The following VAPB variants were observed in gnomAD, a reference collection of about 807,000 sequenced individuals.
VAPB encodes the protein vesicle-associated membrane protein-associated protein B/C.
A neutral mutation model predicts 25.6 loss-of-function variants in VAPB; 7 were observed. The ratio of observed to expected loss-of-function variants is 0.27; its 90% CI spans 0.16 to 0.51. The LOEUF is 0.51. Ranked by LOEUF, VAPB falls within the 20% of genes least tolerant of loss-of-function variation. VAPB has a pLI of 0.97. For missense variants in VAPB, 266 were observed against 301.3 expected (o/e 0.88, Z 0.87); for synonymous variants, 112 against 109.2 (o/e 1.03, Z -0.16).
At chr20:58,401,647 C>T (rs1396634005) in intron 1 of VAPB, among the ~76,000 whole-genome samples, 5 of 152,038 alleles carry the variant, frequency 3.3e-5, no homozygotes, top group African/African-American at 7.3e-5. Flanking sequence ...ACCTTCTCCC[C>T]CTCTTCTCCT....
At chr20:58,412,202 T>C (rs1988396093) in intron 1 of VAPB, among the ~76,000 whole-genome samples, 1 of 152,194 alleles carries the variant, frequency 6.6e-6, no homozygotes, top group Non-Finnish European at 1.5e-5. Context: ...ATCTAGATTT[T>C]ATTCTGTCAT....
chr20:58,393,204 A>T (rs981102547), intron 1 of VAPB, among the ~76,000 whole-genome samples: 1 of 151,866 alleles, frequency 6.6e-6, no homozygotes, highest in East Asian at 1.9e-4. Flanking sequence ...TAATTTTTAA[A>T]TTTTTTTGTA....
chr20:58,403,695 A>G (rs1988154334), intron 1 of VAPB, among the ~76,000 whole-genome samples: 1 of 152,194 alleles, frequency 6.6e-6, no homozygotes, highest in Non-Finnish European at 1.5e-5. Context: ...TAATGCCTTC[A>G]TCTTCCACTT....
At chr20:58,413,138 TC>T (rs1425248263) in intron 1 of VAPB, among the ~76,000 whole-genome samples, 4 of 59,298 alleles carry the variant, frequency 6.7e-5, no homozygotes, top group Admixed American at 1.4e-4. Flanking sequence ...GTATTTGCCT[TC>T]TTTTTTTTTT....
intron 2 of VAPB, 116 bp from the exon 3 acceptor site, chr20:58,434,486 C>T: frequency 2.8e-6 from 2 of 703,722 alleles, no homozygotes; most frequent in East Asian, 5.4e-5. Context: ...GGCGTCCATC[C>T]TAAGACATAA....
chr20:58,398,235 C>G (rs1434642978), intron 1 of VAPB, among the ~76,000 whole-genome samples: 3 of 152,196 alleles, frequency 2.0e-5, no homozygotes, highest in East Asian at 1.9e-4. Flanking sequence ...GGGAAGAGAT[C>G]AAAATTCAAA....
chr20:58,399,019 G>A (rs1418694779), intron 1 of VAPB, among the ~76,000 whole-genome samples: 1 of 152,140 alleles, frequency 6.6e-6, no homozygotes, highest in Non-Finnish European at 1.5e-5. Context: ...TAAAGGAAAA[G>A]GCTGGGCACA....
chr20:58,418,112 T>C, intron 1 of VAPB, 99 bp from the exon 2 acceptor site: 1 of 1,513,564 alleles, frequency 6.6e-7, no homozygotes, highest in Non-Finnish European at 9.1e-7. Flanking sequence ...TAATCGTGGA[T>C]CTCAAATCTT....
intron 2 of VAPB, among the ~76,000 whole-genome samples, chr20:58,420,001 T>C (rs977157712): frequency 3.3e-5 from 5 of 152,156 alleles, no homozygotes; most frequent in African/African-American, 1.2e-4. Context: ...CTCTCTTTTT[T>C]TTTTGAGACA....
intron 3 of VAPB, 62 bp from the exon 4 acceptor site, chr20:58,438,883 G>A: frequency 7.0e-7 from 1 of 1,435,202 alleles, no homozygotes; most frequent in Non-Finnish European, 9.8e-7. Flanking sequence ...TCAGTTATAG[G>A]AAGAAAGTTA....
intron 1 of VAPB, among the ~76,000 whole-genome samples, chr20:58,396,396 G>T (rs1170904787): frequency 6.6e-6 from 1 of 152,232 alleles, no homozygotes; most frequent in African/African-American, 2.4e-5. Context: ...CTGGGAAGTG[G>T]AGACTAGGGC....
chr20:58,415,732 T>A (rs964189500), intron 1 of VAPB, among the ~76,000 whole-genome samples: 3 of 152,360 alleles, frequency 2.0e-5, no homozygotes, highest in Admixed American at 2.0e-4. Context: ...TTTTACATAA[T>A]GCTTTAATGG....
At chr20:58,425,416 G>A (rs533463127) in intron 2 of VAPB, among the ~76,000 whole-genome samples, 4 of 152,326 alleles carry the variant, frequency 2.6e-5, no homozygotes, top group East Asian at 1.9e-4. Flanking sequence ...ATTCAGGAAC[G>A]CTTTGAATGT....
At chr20:58,438,273 T>C (rs1403270212) in intron 3 of VAPB, among the ~76,000 whole-genome samples, 2 of 152,102 alleles carry the variant, frequency 1.3e-5, no homozygotes, top group African/African-American at 4.8e-5. Context: ...CATTTTCTCA[T>C]TTTAATTTAA....
chr20:58,433,357 A>G (rs1461847416), intron 2 of VAPB, among the ~76,000 whole-genome samples: 3 of 152,136 alleles, frequency 2.0e-5, no homozygotes, highest in Non-Finnish European at 4.4e-5. Context: ...CCTGCTTTCT[A>G]TCTGCTGCTG....
chr20:58,409,427 CAT>C (rs942529261), intron 1 of VAPB, among the ~76,000 whole-genome samples: 1 of 152,132 alleles, frequency 6.6e-6, no homozygotes, highest in Non-Finnish European at 1.5e-5. Flanking sequence ...ATTTTTCCCA[CAT>C]AGAGAGTCTA....
Position 58,449,290 on chromosome 20 carries a change from G to A in VAPB, c.*5055G>A, listed in dbSNP as rs767981987. The A allele has an allele frequency of 1.8e-4, 80 of 451,624 alleles. No homozygotes were observed. Among genetic ancestry groups the A allele is most frequent in the South Asian group, 4.9e-4 (31 of 63,722 alleles). The allele number at this position is 451,624 out of a possible 1,614,324, so 28.0% of individuals were successfully genotyped here. ...ATGCCATGTTTTTGGCTGTATCTAC[G>A]GCACTTAACAATAGGGGCTTTTTAT... On this transcript the variant is annotated 3_prime_UTR_variant, in exon 6 of 6. Coordinates refer to ENST00000475243, the MANE Select transcript of VAPB (RefSeq NM_004738.5).
chr20:58,397,816 C>G (rs192504453), intron 1 of VAPB, among the ~76,000 whole-genome samples: 2 of 152,302 alleles, frequency 1.3e-5, no homozygotes, highest in Admixed American at 6.5e-5. Flanking sequence ...AGTTAATAAA[C>G]TAGAGACTTG....
intron 5 of VAPB, 148 bp downstream of exon 5, chr20:58,441,231 T>C (rs1989154759): frequency 4.0e-5 from 34 of 849,562 alleles, no homozygotes; most frequent in Non-Finnish European, 2.6e-5. Context: ...GAAATTTCCA[T>C]GGCTTTCATG....
Sources: allele counts gnomAD v4.1 joint callset (sites outside exome capture counted in the v4.1 genomes callset), GRCh38; gene constraint gnomAD v4.1.1; transcripts MANE v1.5; gene names NCBI Gene and HGNC (gene_info 2026-07-23, HGNC 2026-07-21).